Variants in SND1 observed in about 807,000 individuals in gnomAD.
SND1 encodes staphylococcal nuclease and tudor domain containing 1, also known as staphylococcal nuclease domain-containing protein 1.
SND1 carries 38 observed loss-of-function variants against 121.7 expected under a neutral mutation model. The ratio of observed to expected loss-of-function variants is 0.31; its 90% CI spans 0.24 to 0.41. The LOEUF (loss-of-function observed/expected upper bound fraction) is 0.41. Ranked by LOEUF, SND1 falls within the 10% of genes least tolerant of loss-of-function variation. The pLI, the probability that SND1 is intolerant of heterozygous loss-of-function variation, is 1.00. For synonymous variants in SND1, 401 were observed against 447.4 expected, an observed-to-expected ratio of 0.90 and a Z score of 1.31; for missense variants, 868 against 1,184.6, an observed-to-expected ratio of 0.73 and a Z score of 3.92.
chr7:127,884,656 A>C (rs965217074), intron 12 of SND1, among the ~76,000 whole-genome samples: 1 of 152,032 alleles, frequency 6.6e-6, no homozygotes, highest in Non-Finnish European at 1.5e-5. Context: ...TTTGACCTGC[A>C]CTGCAGTCTG....
intron 10 of SND1, among the ~76,000 whole-genome samples, chr7:127,728,233 T>A (rs1351626619): frequency 1.3e-5 from 2 of 152,196 alleles, no homozygotes; most frequent in Non-Finnish European, 2.9e-5. Flanking sequence ...TTCACATAAT[T>A]TTTTGGGATT....
chr7:127,848,855 C>T (rs184951947), intron 12 of SND1, among the ~76,000 whole-genome samples: 10 of 152,112 alleles, frequency 6.6e-5, no homozygotes, highest in East Asian at 3.9e-4. Flanking sequence ...TTTTTCCTCT[C>T]GATGTATGGG....
intron 16 of SND1, among the ~76,000 whole-genome samples, chr7:128,039,581 G>A (rs2117004553): frequency 6.6e-6 from 1 of 152,244 alleles, no homozygotes; most frequent in Admixed American, 6.5e-5. Context: ...GCCCCTTGCT[G>A]ACAGATTTAT....
At chr7:127,819,663 A>G (rs1450641379) in intron 11 of SND1, among the ~76,000 whole-genome samples, 1 of 152,130 alleles carries the variant, frequency 6.6e-6, no homozygotes, top group Non-Finnish European at 1.5e-5. Flanking sequence ...TTTGGCCCTT[A>G]GTTAACCCCT....
chr7:127,996,220 A>C (rs1451496271), intron 16 of SND1, among the ~76,000 whole-genome samples: 2 of 152,172 alleles, frequency 1.3e-5, no homozygotes, highest in African/African-American at 4.8e-5. Context: ...GTTTCAGGGG[A>C]ATGTGGCCTC....
chr7:127,792,419 C>A (rs1436593477), intron 10 of SND1, among the ~76,000 whole-genome samples: 1 of 152,032 alleles, frequency 6.6e-6, no homozygotes, highest in Non-Finnish European at 1.5e-5. Flanking sequence ...GTGTCAGGAT[C>A]CAGTAAGGAG....
intron 10 of SND1, among the ~76,000 whole-genome samples, chr7:127,800,144 A>G (rs533286757): frequency 1.3e-5 from 2 of 152,352 alleles, no homozygotes; most frequent in African/African-American, 4.8e-5. Context: ...TTTTAAGTCT[A>G]TAATTGAAAT....
At chr7:128,077,732 G>A (rs1793530500) in intron 17 of SND1, among the ~76,000 whole-genome samples, 1 of 152,208 alleles carries the variant, frequency 6.6e-6, no homozygotes, top group Non-Finnish European at 1.5e-5. Flanking sequence ...GGTGGTCCAT[G>A]AGAAGGGCAG....
At chr7:127,757,050 A>G (rs1206926364) in intron 10 of SND1, among the ~76,000 whole-genome samples, 3 of 152,166 alleles carry the variant, frequency 2.0e-5, no homozygotes, top group African/African-American at 7.2e-5. Context: ...CACCCAAATC[A>G]AGACATAGAA....
At chr7:127,705,666 A>G (rs1054717952) in intron 8 of SND1, among the ~76,000 whole-genome samples, 2 of 152,084 alleles carry the variant, frequency 1.3e-5, no homozygotes, top group Non-Finnish European at 2.9e-5. Flanking sequence ...GATGGGATAG[A>G]TGGAAGAAAA....
At chr7:127,760,251 G>A (rs540629388) in intron 10 of SND1, among the ~76,000 whole-genome samples, 2 of 152,302 alleles carry the variant, frequency 1.3e-5, no homozygotes, top group East Asian at 3.9e-4. Flanking sequence ...GATGAGGAAT[G>A]GAAAAGGAAT....
chr7:128,030,578 G>A (rs1363521324), intron 16 of SND1: 11 of 1,606,220 alleles, frequency 6.8e-6, no homozygotes, highest in Non-Finnish European at 9.4e-6. Flanking sequence ...TGAGGTAGAC[G>A]AACGGGAGCA....
Position 128,029,285 on chromosome 7 carries a change from G to T in SND1, c.1779+38229G>T, listed in dbSNP as rs757374250. The stretch of plus-strand genomic sequence containing the variant: ...TCTCCACTGTTACTGTGGTGAAGAA[G>T]CTGTAGTTGGAGGTGTTAAGCTCAG... On this transcript the variant is annotated intron_variant, in intron 16 of 23. Coordinates refer to ENST00000354725, the MANE Select transcript of SND1 (RefSeq NM_014390.4). This position sits in a 1 kb window ranked among gnomAD's most constrained non-coding sequence, Gnocchi z 4.2. The T allele has an allele frequency of 1.9e-6, 3 of 1,614,222 alleles. No homozygotes were observed. The Admixed American group carries it at 5.0e-5, about 27-fold the overall frequency.
chr7:127,993,757 A>G (rs1391034241), intron 16 of SND1, among the ~76,000 whole-genome samples: 6 of 152,186 alleles, frequency 3.9e-5, no homozygotes, highest in African/African-American at 1.4e-4. Context: ...TATCCCCTGC[A>G]TGCCTTCCTC....
intron 14 of SND1, among the ~76,000 whole-genome samples, chr7:127,907,269 T>C (rs972007809): frequency 9.2e-5 from 14 of 152,162 alleles, no homozygotes; most frequent in African/African-American, 3.4e-4. Flanking sequence ...TAAGTCTGTG[T>C]GTATGTTGGG....
At position 127,815,404 on chromosome 7, in the gene SND1, C is replaced by T. The variant is rs1266295138; in HGVS notation, c.1242+7831C>T. On this transcript the variant is annotated intron_variant, in intron 11 of 23. Coordinates refer to ENST00000354725, the MANE Select transcript of SND1 (RefSeq NM_014390.4). Reference sequence around the variant, plus strand: ...ATTTGGGTGGCTGAGATAGGAGAATCACTTGAGCCTAGGAGTTGGAGGCCG... The same window carrying T: ...ATTTGGGTGGCTGAGATAGGAGAATTACTTGAGCCTAGGAGTTGGAGGCCG... Among the ~76,000 whole-genome samples, 8 of 151,996 alleles carry T rather than the reference C, an allele frequency of 5.3e-5. 1 individual carries two copies. The highest frequency in any genetic ancestry group is 5.9e-5 in the Non-Finnish European group (4 of 68,002).
intron 16 of SND1, among the ~76,000 whole-genome samples, chr7:128,056,337 G>A (rs926796627): frequency 1.3e-5 from 2 of 152,204 alleles, no homozygotes. Context: ...GCCATAATGA[G>A]CCAGCCTTTG....
At chr7:127,868,153 A>G (rs1799514061) in intron 12 of SND1, among the ~76,000 whole-genome samples, 1 of 152,178 alleles carries the variant, frequency 6.6e-6, no homozygotes, top group East Asian at 1.9e-4. Flanking sequence ...GCACTTTGAG[A>G]GACCAAGGTG....
chr7:127,681,370 T>C (rs915067339), intron 1 of SND1, among the ~76,000 whole-genome samples: 1 of 152,236 alleles, frequency 6.6e-6, no homozygotes, highest in Non-Finnish European at 1.5e-5. Flanking sequence ...AGTTCTTTAT[T>C]CTGGATACTA....
Sources: allele counts gnomAD v4.1 joint callset (sites outside exome capture counted in the v4.1 genomes callset), GRCh38; gene constraint gnomAD v4.1.1; non-coding constraint Gnocchi (gnomAD v3.1); transcripts MANE v1.5; gene names NCBI Gene and HGNC (gene_info 2026-07-23, HGNC 2026-07-21).